Variants in SMARCAL1 observed in about 807,000 individuals in gnomAD.
The protein encoded by SMARCAL1 is ATP-driven annealing helicase.
Under a neutral mutation model 94.5 loss-of-function variants are expected in SMARCAL1, and 58 were observed. The observed-to-expected ratio is 0.61, with a 90% confidence interval of 0.50 to 0.76. The LOEUF (loss-of-function observed/expected upper bound fraction) is 0.76, where lower values mean the gene tolerates loss of function less well. Ranked by LOEUF, SMARCAL1 falls within the 30% of genes least tolerant of loss-of-function variation. SMARCAL1 has a pLI of 0.00. For missense variants in SMARCAL1, 1,051 were observed against 1,177.9 expected (o/e 0.89, Z 1.58); for synonymous variants, 422 against 455.1 (o/e 0.93, Z 0.93).
At chr2:216,440,246 T>C (rs1223921176) in intron 10 of SMARCAL1, among the ~76,000 whole-genome samples, 1 of 152,190 alleles carries the variant, frequency 6.6e-6, no homozygotes, top group Non-Finnish European at 1.5e-5. Flanking sequence ...ATAACTAAAT[T>C]AAATCTTTAC....
At chr2:216,446,095 C>T (rs1324670300) in intron 10 of SMARCAL1, among the ~76,000 whole-genome samples, 1 of 151,972 alleles carries the variant, frequency 6.6e-6, no homozygotes, top group East Asian at 1.9e-4. Context: ...ATTCTGTGTT[C>T]TAATACAGTA....
chr2:216,446,952 G>A lies in SMARCAL1; in HGVS notation c.1711-66G>A, dbSNP rs867595855. 3.5e-4 allele frequency: 564 copies of A among 1,603,618 alleles called. 2 individuals are homozygous for A. The Middle Eastern group carries it at 5.5e-3, about 16-fold the overall frequency. On this transcript the variant is annotated intron_variant, in intron 10 of 17. Coordinates refer to ENST00000357276, the MANE Select transcript of SMARCAL1 (RefSeq NM_014140.4). ...GGCATCCAGCTCCTCCCTCACTGGG[G>A]CATTTTGAACATTTCCTGTGTGCTC...
Position 216,415,202 on chromosome 2 carries a change from T to C in SMARCAL1, c.498T>C (p.Pro166=), listed in dbSNP as rs2106014896. The C allele has an allele frequency of 6.2e-7, 1 of 1,614,116 alleles. No individual in the cohort carries two copies. Among genetic ancestry groups the C allele is most frequent in the Non-Finnish European group, 8.5e-7 (1 of 1,179,994 alleles). Residue 166 remains proline (P), a synonymous_variant, in exon 3 of 18, where the codon CCT becomes CCC. Coordinates refer to ENST00000357276, the MANE Select transcript of SMARCAL1 (RefSeq NM_014140.4). Reference sequence around the variant, plus strand: ...CCTTTGCTAACCCAACTCATAAGCCTCTGGCCAAACCAAAGAGTTCCCAAG... The same window carrying C: ...CCTTTGCTAACCCAACTCATAAGCCCCTGGCCAAACCAAAGAGTTCCCAAG... ...FTPFANPTHK[P]LAKPKSSQET... is the part of the protein sequence containing the mutation.
At chr2:216,423,323 T>A (rs1693764853) in intron 5 of SMARCAL1, among the ~76,000 whole-genome samples, 1 of 152,174 alleles carries the variant, frequency 6.6e-6, no homozygotes, top group Admixed American at 6.5e-5. Flanking sequence ...ACAGTTACCA[T>A]CCCTGTCACT....
At position 216,482,938 on chromosome 2, in the gene SMARCAL1, AT is replaced by A; in HGVS notation, c.2832del (p.Phe944LeufsTer28). 6.2e-7 allele frequency: 1 copy of A among 1,614,228 alleles called. No homozygotes were observed. The highest frequency in any genetic ancestry group is 8.5e-7 in the Non-Finnish European group (1 of 1,180,040). On this transcript the variant is annotated frameshift_variant, in exon 18 of 18. Coordinates refer to ENST00000357276, the MANE Select transcript of SMARCAL1 (RefSeq NM_014140.4). LOFTEE classifies it high-confidence loss of function. This position sits in a 1 kb window ranked among gnomAD's most constrained non-coding sequence, Gnocchi z 4.3. Reference sequence around the variant, plus strand: ...GTCCACAGAAGAAAAGGAGATTTGAATTTTTTGATAACTGGGACAGCTTTAC... The same window carrying A: ...GTCCACAGAAGAAAAGGAGATTTGAATTTTTGATAACTGGGACAGCTTTAC... ...ASPQKKRRFE[F>X]FDNWDSFTSP...
Position 216,415,372 on chromosome 2 carries a change from A to G in SMARCAL1, c.668A>G (p.Gln223Arg), listed in dbSNP as rs1316299314. 6.2e-7 allele frequency: 1 copy of G among 1,614,240 alleles called. No homozygotes were observed. Among genetic ancestry groups the G allele is most frequent in the Non-Finnish European group, 8.5e-7 (1 of 1,180,038 alleles). Residue 223 changes from glutamine (Q) to arginine (R), a missense_variant, in exon 3 of 18, where the codon CAG (glutamine) becomes CGG (arginine). Around this residue, in one of 3 missense-constraint regions of SMARCAL1, gnomAD observed 398 missense variants for 395.2 expected, o/e 1.01. Transcript: ENST00000357276. ...SVTPRTEGRL[Q>R]QKSGSSVQKG... ...ACGCCCAGGACAGAAGGAAGACTCC[A>G]GCAGAAGTCAGGGTCCTCAGTCCAA...
intron 5 of SMARCAL1, among the ~76,000 whole-genome samples, chr2:216,422,914 G>A (rs1294263422): frequency 6.6e-6 from 1 of 152,222 alleles, no homozygotes; most frequent in Non-Finnish European, 1.5e-5. Context: ...ACTACACGAT[G>A]CTGATTAGCA....
At chr2:216,433,595 G>A (rs549867775) in intron 8 of SMARCAL1, among the ~76,000 whole-genome samples, 1 of 152,164 alleles carries the variant, frequency 6.6e-6, no homozygotes, top group African/African-American at 2.4e-5. Context: ...TCTGTAGAGG[G>A]GGGAGTGAGT....
chr2:216,438,635 T>C, intron 10 of SMARCAL1, 150 bp downstream of exon 10: 1 of 722,206 alleles, frequency 1.4e-6, no homozygotes, highest in Non-Finnish European at 2.5e-6. Flanking sequence ...CATCTGTCTC[T>C]CTCCTTAGGG....
intron 1 of SMARCAL1, among the ~76,000 whole-genome samples, chr2:216,413,166 TTGGG>T (rs1301298233): frequency 3.0e-5 from 4 of 131,424 alleles, no homozygotes; most frequent in Admixed American, 2.3e-4. Flanking sequence ...GGGAGGGGGG[TTGGG>T]TTCTGGCCAA....
At chr2:216,420,561 A>G in intron 5 of SMARCAL1, 29 bp downstream of exon 5, 4 of 1,538,270 alleles carry the variant, frequency 2.6e-6, no homozygotes, top group Non-Finnish European at 2.7e-6. Flanking sequence ...TCTGATTCCC[A>G]GAATGTGTAG....
intron 6 of SMARCAL1, 129 bp from the exon 7 acceptor site, chr2:216,428,467 C>T: frequency 1.2e-6 from 1 of 846,674 alleles, no homozygotes; most frequent in Non-Finnish European, 2.0e-6. Context: ...GAAGAGATTT[C>T]TCCACCCATT....
chr2:216,474,284 C>T (rs567362937), intron 14 of SMARCAL1, among the ~76,000 whole-genome samples: 8 of 149,588 alleles, frequency 5.3e-5, no homozygotes, highest in South Asian at 4.2e-4. Flanking sequence ...GGATTACAGG[C>T]GCACACCAGC....
chr2:216,434,871 T>TTC (rs1553526568), intron 8 of SMARCAL1, among the ~76,000 whole-genome samples: 2 of 144,310 alleles, frequency 1.4e-5, no homozygotes, highest in African/African-American at 5.2e-5. Context: ...TTTTTTTTTT[T>TTC]CTGAGACCCG....
intron 12 of SMARCAL1, among the ~76,000 whole-genome samples, chr2:216,456,558 G>C (rs910283781): frequency 1.3e-4 from 20 of 151,296 alleles, no homozygotes; most frequent in Admixed American, 1.2e-3. Context: ...CTTAAGAAAA[G>C]AATTTTCAAC....
At chr2:216,423,575 G>A in intron 5 of SMARCAL1, 58 bp from the exon 6 acceptor site, 2 of 1,372,742 alleles carry the variant, frequency 1.5e-6, no homozygotes, top group Middle Eastern at 1.8e-4. Context: ...GAGTAAGTGT[G>A]ATCACGTAGC....
chr2:216,474,210 G>C (rs1373632842), intron 14 of SMARCAL1, among the ~76,000 whole-genome samples: 1 of 137,092 alleles, frequency 7.3e-6, no homozygotes, highest in Non-Finnish European at 1.5e-5. Context: ...TGCCATCTTG[G>C]CTCACTGCAA....
At chr2:216,417,090 A>G (rs1693619009) in intron 4 of SMARCAL1, among the ~76,000 whole-genome samples, 1 of 152,210 alleles carries the variant, frequency 6.6e-6, no homozygotes, top group Non-Finnish European at 1.5e-5. Flanking sequence ...AGCTTAAGAA[A>G]GGAAAAGATA....
chr2:216,443,523 A>G (rs952912633), intron 10 of SMARCAL1, among the ~76,000 whole-genome samples: 4 of 152,164 alleles, frequency 2.6e-5, no homozygotes, highest in African/African-American at 9.7e-5. Context: ...GAACTGCCTT[A>G]TATGTGGCAT....
Sources: allele counts gnomAD v4.1 joint callset (sites outside exome capture counted in the v4.1 genomes callset), GRCh38; gene constraint gnomAD v4.1.1; regional missense constraint gnomAD v4.1.1; non-coding constraint Gnocchi (gnomAD v3.1); transcripts MANE v1.5; gene names NCBI Gene and HGNC (gene_info 2026-07-23, HGNC 2026-07-21).